The following NOTCH1 variants were observed in gnomAD, a reference collection of about 807,000 sequenced individuals.
NOTCH1 encodes the protein neurogenic locus notch homolog protein 1.
A neutral mutation model predicts 254.8 loss-of-function variants in NOTCH1; 37 were observed. The ratio of observed to expected loss-of-function variants is 0.15; its 90% CI spans 0.11 to 0.19. The LOEUF (loss-of-function observed/expected upper bound fraction) is 0.19, where lower values mean the gene tolerates loss of function less well. Ranked by LOEUF, NOTCH1 falls within the 10% of genes least tolerant of loss-of-function variation. The pLI, the probability that NOTCH1 is intolerant of heterozygous loss-of-function variation, is 1.00. For missense variants in NOTCH1, 2,972 were observed against 3,708.6 expected (o/e 0.80, Z 5.16); for synonymous variants, 1,731 against 1,618.1 (o/e 1.07, Z -1.68).
At chr9:136,518,045 T>C (rs1022282437) in intron 7 of NOTCH1, 92 bp downstream of exon 7, 1 of 1,555,768 alleles carries the variant, frequency 6.4e-7, no homozygotes, top group Non-Finnish European at 8.7e-7. Context: ...CCCATCTAAC[T>C]GGGCACCCCC....
intron 33 of NOTCH1, 97 bp downstream of exon 33, chr9:136,498,802 G>T: frequency 7.0e-7 from 1 of 1,421,500 alleles, no homozygotes; most frequent in Non-Finnish European, 9.9e-7. Context: ...GACCCTGTGG[G>T]TCAGGCCCTT....
Position 136,506,450 on chromosome 9 carries a change from C to A in NOTCH1, c.4014+77G>T. 1 of 1,290,572 alleles carries A rather than the reference C, an allele frequency of 7.7e-7. No homozygotes were observed. The highest frequency in any genetic ancestry group is 1.3e-5 in the South Asian group (1 of 78,804). 79.9% of individuals were successfully genotyped at this position (1,290,572 alleles called of 1,614,324 possible). ...GCCGGGAGGATCACTGCCCGGTCTGCGCCCCGAGGCCCCCACGTGGACCTC... is the reference window on the plus strand; with the variant it reads ...GCCGGGAGGATCACTGCCCGGTCTGAGCCCCGAGGCCCCCACGTGGACCTC... On this transcript the variant is annotated intron_variant, in intron 24 of 33. Transcript: ENST00000651671. The surrounding 1 kb of genome is among the most constrained non-coding windows in gnomAD (Gnocchi z 4.5).
Position 136,497,529 on chromosome 9 carries a change from C to A in NOTCH1, c.6210G>T (p.Arg2070=), listed in dbSNP as rs1319158349. ...REETPLFLAA[R]EGSYETAKVL... is the part of the protein sequence containing the mutation. Reference sequence around the variant, plus strand: ...CCTTGGCGGTCTCGTAGCTGCCCTCCCGGGCGGCCAGAAACAGGGGTGTCT... The same window carrying A: ...CCTTGGCGGTCTCGTAGCTGCCCTCACGGGCGGCCAGAAACAGGGGTGTCT... The change falls in exon 34 of 34, where the codon CGG becomes CGT. Residue 2070 remains arginine (R), a synonymous_variant. Coordinates refer to ENST00000651671, the MANE Select transcript of NOTCH1 (RefSeq NM_017617.5). 6.2e-7 allele frequency: 1 copy of A among 1,607,682 alleles called. No homozygotes were observed. The highest frequency in any genetic ancestry group is 1.7e-5 in the Admixed American group (1 of 59,904).
Position 136,499,011 on chromosome 9 carries a change from C to G in NOTCH1, c.6083-15G>C, listed in dbSNP as rs935662425. 14 of 1,612,998 alleles carry G rather than the reference C, an allele frequency of 8.7e-6. No individual in the cohort carries two copies. In the Admixed American group the frequency reaches 1.5e-4, roughly 17 times the overall value. On this transcript the variant is annotated splice_polypyrimidine_tract_variant and intron_variant, in intron 32 of 33. Transcript: ENST00000651671. ...GGCGGACTTGCCTGCGTGAAAGAAGCAGATGGGGTAGGTTGGAGACCAGCT... is the reference window on the plus strand; with the variant it reads ...GGCGGACTTGCCTGCGTGAAAGAAGGAGATGGGGTAGGTTGGAGACCAGCT...
At position 136,501,928 on chromosome 9, in the gene NOTCH1, T is replaced by C. The variant is rs969732701; in HGVS notation, c.5473-15A>G. 10 of 1,610,910 alleles carry C rather than the reference T, an allele frequency of 6.2e-6. No homozygotes were observed. The highest frequency in any genetic ancestry group is 6.8e-6 in the Non-Finnish European group (8 of 1,179,846). On this transcript the variant is annotated splice_polypyrimidine_tract_variant and intron_variant, in intron 29 of 33. Coordinates refer to ENST00000651671, the MANE Select transcript of NOTCH1 (RefSeq NM_017617.5). ...GGCTCCTCGAACTACATAGAGGGAG[T>C]GAGCAGAGCCTGTCAGGGCAGCCCG...
chr9:136,532,135 T>C (rs941925076), intron 2 of NOTCH1, among the ~76,000 whole-genome samples: 1 of 151,938 alleles, frequency 6.6e-6, no homozygotes, highest in African/African-American at 2.4e-5. Context: ...GAGGGGCCCA[T>C]AAGGAGGGGC....
chr9:136,514,101 C>T (rs929163614), intron 13 of NOTCH1, among the ~76,000 whole-genome samples: 50 of 152,358 alleles, frequency 3.3e-4, no homozygotes, highest in African/African-American at 1.2e-3. Flanking sequence ...CACTTGCCCG[C>T]TGTGTGGCCC....
At chr9:136,544,164 G>A (rs1281263348) in intron 1 of NOTCH1, 62 bp from the exon 2 acceptor site, 2 of 1,476,728 alleles carry the variant, frequency 1.4e-6, no homozygotes, top group Non-Finnish European at 1.8e-6. Context: ...GAAGGCCCTG[G>A]TTACCCTGGG....
At chr9:136,542,851 C>CG (rs1843752190) in intron 2 of NOTCH1, 1 of 152,268 alleles carries the variant, frequency 6.6e-6, no homozygotes, top group Admixed American at 6.5e-5. Context: ...AGACACCAAA[C>CG]ACCTCCTCAT....
chr9:136,507,442 G>A lies in NOTCH1; in HGVS notation c.3511-5C>T, dbSNP rs1192678132. On this transcript the variant is annotated splice_polypyrimidine_tract_variant and splice_region_variant and intron_variant, in intron 21 of 33. Transcript: ENST00000651671. ...CCCGTGGTAGCCGGCCACGCACTGT[G>A]CAGGCGACAGAACGAGGGGCCCTTC... The A allele has an allele frequency of 1.2e-6, 2 of 1,601,216 alleles. No homozygotes were observed. Among genetic ancestry groups the A allele is most frequent in the Non-Finnish European group, 8.5e-7 (1 of 1,175,066 alleles).
chr9:136,519,329 G>T, intron 5 of NOTCH1, 114 bp downstream of exon 5: 1 of 1,473,816 alleles, frequency 6.8e-7, no homozygotes, highest in Non-Finnish European at 9.3e-7. Context: ...ACCCTAGTCT[G>T]CCTGGCCTGG....
intron 17 of NOTCH1, 140 bp downstream of exon 17, chr9:136,510,513 C>T (rs896152412): frequency 5.1e-6 from 6 of 1,177,802 alleles, no homozygotes; most frequent in Admixed American, 2.0e-5. Context: ...CAGCACATCC[C>T]CCACACCTGA....
At chr9:136,527,291 A>G (rs1333296578) in intron 2 of NOTCH1, among the ~76,000 whole-genome samples, 1 of 152,230 alleles carries the variant, frequency 6.6e-6, no homozygotes, top group Non-Finnish European at 1.5e-5. Context: ...CAGCATGGCC[A>G]TGGCCAGGAC....
intron 2 of NOTCH1, chr9:136,543,227 C>T (rs1843757961): frequency 5.6e-6 from 1 of 178,508 alleles, no homozygotes; most frequent in Non-Finnish European, 1.2e-5. Flanking sequence ...AGGCATCACC[C>T]ACCCGGAGGT....
rs1298965823 is a variant in NOTCH1 at position 136,513,035 on chromosome 9, A to G, written c.2453T>C (p.Leu818Pro). The change falls in exon 15 of 34, where the codon CTG (leucine) becomes CCG (proline). Residue 818 changes from leucine (L) to proline (P), a missense_variant. By Grantham distance (98) the Leu-to-Pro change is moderately conservative (BLOSUM62 -3). Transcript: ENST00000651671. The surrounding 1 kb of genome is among the most constrained non-coding windows in gnomAD (Gnocchi z 4.7). ...CCACCCCTCACCTGTGTAGGGCAGCAGGCAGTTGCACTTGTACCCGGCAAC... is the reference window on the plus strand; with the variant it reads ...CCACCCCTCACCTGTGTAGGGCAGCGGGCAGTTGCACTTGTACCCGGCAAC... ...DDVAGYKCNC[L>P]LPYTGATCEV... 10 of 1,418,084 alleles carry G rather than the reference A, an allele frequency of 7.1e-6. No homozygotes were observed. The highest frequency in any genetic ancestry group is 9.5e-6 in the Non-Finnish European group (10 of 1,056,958). 87.8% of individuals were successfully genotyped at this position (1,418,084 alleles called of 1,614,324 possible).
Position 136,506,413 on chromosome 9 carries a change from A to T in NOTCH1, c.4014+114T>A. On this transcript the variant is annotated intron_variant, in intron 24 of 33. Coordinates refer to ENST00000651671, the MANE Select transcript of NOTCH1 (RefSeq NM_017617.5). This position sits in a 1 kb window ranked among gnomAD's most constrained non-coding sequence, Gnocchi z 4.5. ...AAAAAAAAAAGACATCAGGGTGAGG[A>T]GGAGGATGAAGGCCGGGAGGATCAC... 1 of 738,178 alleles carries T rather than the reference A, an allele frequency of 1.4e-6. No homozygotes were observed. Among genetic ancestry groups the T allele is most frequent in the Non-Finnish European group, 2.3e-6 (1 of 443,700 alleles). The allele number at this position is 738,178 out of a possible 1,614,324, so 45.7% of individuals were successfully genotyped here.
chr9:136,512,703 C>T (rs529351622), intron 15 of NOTCH1, among the ~76,000 whole-genome samples: 8 of 152,332 alleles, frequency 5.3e-5, no homozygotes, highest in Admixed American at 2.0e-4. Flanking sequence ...CTGTGTCTTG[C>T]GGCAGGCTTG....
chr9:136,512,334 G>C (rs576328000), intron 15 of NOTCH1, among the ~76,000 whole-genome samples: 1 of 152,192 alleles, frequency 6.6e-6, no homozygotes, highest in Non-Finnish European at 1.5e-5. Flanking sequence ...GGCCCAGGCA[G>C]GCCCTCCCTG....
At position 136,499,167 on chromosome 9, in the gene NOTCH1, G is replaced by A. The variant is rs1232741465; in HGVS notation, c.6027C>T (p.Gly2009=). 2.5e-6 allele frequency: 4 copies of A among 1,613,330 alleles called. No individual in the cohort carries two copies. The African/African-American group carries it at 4.0e-5, about 16-fold the overall frequency. ...GTGAGTTGATGAGGTCCTCCAGCAT[G>A]CCCTCCACGGCCAGGCGGGCAGCCA... is the stretch of plus-strand genomic sequence containing the variant. ...LILAARLAVE[G]MLEDLINSHA... is the part of the protein sequence containing the mutation. Residue 2009 remains glycine (G), a synonymous_variant, in exon 32 of 34, where the codon GGC becomes GGT. Transcript: ENST00000651671.
Sources: gnomAD v4.1 joint callset for allele counts (sites outside exome capture counted in the v4.1 genomes callset) on GRCh38, gnomAD v4.1.1 for gene constraint, Gnocchi (gnomAD v3.1) non-coding constraint, MANE v1.5 for transcripts, NCBI Gene and HGNC (gene_info 2026-07-23, HGNC 2026-07-21) for gene names.